VCAN: variants seen among roughly 807,000 people sequenced by gnomAD.
VCAN encodes the protein versican core protein.
In VCAN, 44 loss-of-function variants were observed where a neutral mutation model predicts 245.5. That is an observed-to-expected ratio of 0.18 (90% CI 0.14 to 0.23). The LOEUF is 0.23. VCAN is among the 10% of genes least tolerant of loss of function. The pLI is 1.00. For missense variants in VCAN, 3,793 were observed against 4,057.9 expected (o/e 0.93, Z 1.77); for synonymous variants, 1,413 against 1,437.0 (o/e 0.98, Z 0.38).
At chr5:83,575,299 T>C (rs1211479961) in intron 13 of VCAN, among the ~76,000 whole-genome samples, 1 of 152,208 alleles carries the variant, frequency 6.6e-6, no homozygotes, top group Admixed American at 6.5e-5. Context: ...GTATTCTCAA[T>C]ACCTTTTCTA....
intron 13 of VCAN, among the ~76,000 whole-genome samples, chr5:83,572,797 A>G (rs1748335067): frequency 6.6e-6 from 1 of 152,132 alleles, no homozygotes; most frequent in African/African-American, 2.4e-5. Flanking sequence ...TAACGTAGGA[A>G]TGCTGCCTGG....
intron 5 of VCAN, among the ~76,000 whole-genome samples, chr5:83,502,484 G>T (rs2112373696): frequency 6.6e-6 from 1 of 152,306 alleles, no homozygotes; most frequent in Non-Finnish European, 1.5e-5. Context: ...ATATTTTGAA[G>T]ACTCAGAAAC....
In VCAN at chr5:83,554,965, A is replaced by G. The variant is rs145549943; in HGVS notation, c.9662A>G (p.His3221Arg). 17 of 1,613,540 alleles carry G rather than the reference A, an allele frequency of 1.1e-5. No homozygotes were observed. In the African/African-American group the frequency reaches 1.3e-4, roughly 13 times the overall value. ...EEQMFVNRVG[H>R]DYQWIGLNDK... ...GTTTCCTATCCCTTAGGTGTGGGCC[A>G]TGATTATCAGTGGATAGGCCTCAAT... Residue 3221 changes from histidine (H) to arginine (R), a missense_variant, in exon 12 of 15, where the codon CAT (histidine) becomes CGT (arginine). His to Arg is a conservative substitution (Grantham distance 29). Around this residue, in one of 5 missense-constraint regions of VCAN, gnomAD observed 205 missense variants for 321.1 expected, o/e 0.64. Coordinates refer to ENST00000265077, the MANE Select transcript of VCAN (RefSeq NM_004385.5).
At chr5:83,530,816 T>C (rs914975995) in intron 7 of VCAN, among the ~76,000 whole-genome samples, 4 of 152,166 alleles carry the variant, frequency 2.6e-5, no homozygotes, top group East Asian at 3.9e-4. Flanking sequence ...TATTTGAACT[T>C]TTTTTACAAC....
intron 1 of VCAN, among the ~76,000 whole-genome samples, chr5:83,475,337 G>A (rs11741157): frequency 1.3e-5 from 2 of 152,162 alleles, no homozygotes; most frequent in African/African-American, 4.8e-5. Context: ...CATATTGGAA[G>A]AACTGGATTT....
intron 13 of VCAN, among the ~76,000 whole-genome samples, chr5:83,572,901 A>AT (rs564149689): frequency 1.2e-4 from 17 of 136,600 alleles, no homozygotes; most frequent in Middle Eastern, 3.7e-3. Flanking sequence ...TTATTTATTT[A>AT]TTATTATTAT....
intron 7 of VCAN, among the ~76,000 whole-genome samples, chr5:83,526,837 A>G (rs1204043787): frequency 1.3e-5 from 2 of 152,222 alleles, no homozygotes; most frequent in Non-Finnish European, 2.9e-5. Flanking sequence ...AAACTAAGTC[A>G]TCATCAAACT....
At chr5:83,556,097 A>G (rs1419654225) in intron 12 of VCAN, among the ~76,000 whole-genome samples, 2 of 152,222 alleles carry the variant, frequency 1.3e-5, no homozygotes, top group Non-Finnish European at 2.9e-5. Context: ...AAGCTGCTCC[A>G]TCATGGACAC....
At position 83,537,030 on chromosome 5, in the gene VCAN, A is replaced by T; in HGVS notation, c.4027A>T (p.Ile1343Phe). The T allele has an allele frequency of 6.2e-7, 1 of 1,603,826 alleles. No individual in the cohort carries two copies. Among genetic ancestry groups the T allele is most frequent in the Non-Finnish European group, 8.5e-7 (1 of 1,175,582 alleles). The change falls in exon 8 of 15, where the codon ATT (isoleucine) becomes TTT (phenylalanine). Residue 1343 changes from isoleucine (I) to phenylalanine (F), a missense_variant. Coordinates refer to ENST00000265077, the MANE Select transcript of VCAN (RefSeq NM_004385.5). ...AGGTCGAATGAGTGATTTGAGTGTA[A>T]TTGGTCATCCAATAGATTCAGAATC... ...KTGRMSDLSV[I>F]GHPIDSESKE...
At chr5:83,510,635 T>C (rs1346748707) in intron 5 of VCAN, among the ~76,000 whole-genome samples, 1 of 152,248 alleles carries the variant, frequency 6.6e-6, no homozygotes, top group Non-Finnish European at 1.5e-5. Context: ...TGCTCACATG[T>C]GAAAAACATA....
rs548520349 is a variant in VCAN at position 83,561,588 on chromosome 5, T to A, written c.9735+6550T>A. Among the ~76,000 whole-genome samples, 11 of 152,292 alleles carry A rather than the reference T, an allele frequency of 7.2e-5. No individual in the cohort carries two copies. The South Asian group carries it at 1.4e-3, about 20-fold the overall frequency. On this transcript the variant is annotated intron_variant, in intron 12 of 14. Transcript: ENST00000265077. The stretch of plus-strand genomic sequence containing the variant: ...GTTGATTCGAGTTGATGCACAAGAA[T>A]GTCCAGATGTGTGGATTTGACTTTA...
At chr5:83,496,136 TG>T (rs1226059265) in intron 5 of VCAN, among the ~76,000 whole-genome samples, 2 of 152,234 alleles carry the variant, frequency 1.3e-5, no homozygotes, top group Non-Finnish European at 2.9e-5. Context: ...CTGTCTTCAT[TG>T]AACGATGGCT....
chr5:83,519,533 A>G lies in VCAN; in HGVS notation c.1227A>G (p.Thr409=), dbSNP rs780426615. ...TTGTCAGTTTTGAACAGAAAGCCACAGTCCAACCTCAGGCTATCACAGATA... is the reference window on the plus strand; with the variant it reads ...TTGTCAGTTTTGAACAGAAAGCCACGGTCCAACCTCAGGCTATCACAGATA... The part of the protein sequence containing the change: ...GNIVSFEQKA[T]VQPQAITDSL... Residue 409 remains threonine, a synonymous_variant, in exon 7 of 15, where the codon ACA becomes ACG. Transcript: ENST00000265077. 3.7e-5 allele frequency: 60 copies of G among 1,614,070 alleles called. No individual in the cohort carries two copies. In the Middle Eastern group the frequency reaches 1.3e-3, roughly 35 times the overall value.
chr5:83,518,385 A>G (rs1398160266), intron 6 of VCAN, among the ~76,000 whole-genome samples: 3 of 152,228 alleles, frequency 2.0e-5, no homozygotes, highest in African/African-American at 7.2e-5. Context: ...TGGAGCCATT[A>G]TAATGCAGCA....
chr5:83,513,341 A>G (rs1243025409), intron 6 of VCAN, among the ~76,000 whole-genome samples: 1 of 152,236 alleles, frequency 6.6e-6, no homozygotes, highest in Non-Finnish European at 1.5e-5. Flanking sequence ...GTATCTTGTT[A>G]TAGCAATATG....
At chr5:83,509,570 TG>T (rs1422819560) in intron 5 of VCAN, among the ~76,000 whole-genome samples, 1 of 152,222 alleles carries the variant, frequency 6.6e-6, no homozygotes. Flanking sequence ...CGTGGTTGGC[TG>T]ATAACACTTG....
intron 12 of VCAN, among the ~76,000 whole-genome samples, chr5:83,569,905 G>A (rs1443776513): frequency 1.3e-5 from 2 of 151,862 alleles, no homozygotes; most frequent in Admixed American, 6.6e-5. Flanking sequence ...AAACAACTTA[G>A]TTCTGTATCA....
Position 83,553,356 on chromosome 5 carries a change from C to G in VCAN, c.9494-8C>G, listed in dbSNP as rs761663459. 1 of 1,613,952 alleles carries G rather than the reference C, an allele frequency of 6.2e-7. No individual in the cohort carries two copies. Among genetic ancestry groups the G allele is most frequent in the East Asian group, 2.2e-5 (1 of 44,848 alleles). ...GCGTTTAATAAGCTCCTGCCTGTTTCTTCTCAGATACCGAGACATGTGACT... is the reference window on the plus strand; with the variant it reads ...GCGTTTAATAAGCTCCTGCCTGTTTGTTCTCAGATACCGAGACATGTGACT... On this transcript the variant is annotated splice_region_variant and splice_polypyrimidine_tract_variant and intron_variant, in intron 10 of 14. Coordinates refer to ENST00000265077, the MANE Select transcript of VCAN (RefSeq NM_004385.5).
Position 83,540,358 on chromosome 5 carries a change from G to A in VCAN, c.7355G>A (p.Arg2452Lys). The change falls in exon 8 of 15, where the codon AGA becomes AAA. Residue 2452 changes from arginine (R) to lysine (K), a missense_variant. Physicochemically the swap from Arg to Lys is conservative, Grantham distance 26. Transcript: ENST00000265077. ...FHTSATTQATRQESSTTFVSD... is the reference protein window; with the variant it reads ...FHTSATTQATKQESSTTFVSD... The stretch of plus-strand genomic sequence containing the variant: ...ACTTCTGCAACTACTCAGGCAACCA[G>A]ACAAGAAAGCAGCACCACATTTGTT... The A allele has an allele frequency of 1.2e-6, 2 of 1,614,002 alleles. No homozygotes were observed. The highest frequency in any genetic ancestry group is 1.7e-6 in the Non-Finnish European group (2 of 1,179,962).
Sources: gnomAD v4.1 joint callset for allele counts (sites outside exome capture counted in the v4.1 genomes callset) on GRCh38, gnomAD v4.1.1 for gene constraint, gnomAD v4.1.1 regional missense constraint, MANE v1.5 for transcripts, NCBI Gene and HGNC (gene_info 2026-07-23, HGNC 2026-07-21) for gene names.